ELMO1: variants seen among roughly 807,000 people sequenced by gnomAD.
ELMO1 encodes the protein engulfment and cell motility protein 1.
In ELMO1, 26 loss-of-function variants were observed where a neutral mutation model predicts 98.9. The observed-to-expected ratio is 0.26, with a 90% CI of 0.19 to 0.36. The LOEUF (loss-of-function observed/expected upper bound fraction) is 0.36. ELMO1 is among the 10% of genes least tolerant of loss of function. The pLI, the probability that ELMO1 is intolerant of heterozygous loss-of-function variation, is 1.00. For missense variants in ELMO1, 627 were observed against 935.2 expected (o/e 0.67, Z 4.30); for synonymous variants, 346 against 346.0 (o/e 1.00, Z 0.00).
intron 4 of ELMO1, among the ~76,000 whole-genome samples, chr7:37,282,228 C>T (rs1292485300): frequency 6.6e-6 from 1 of 152,202 alleles, no homozygotes; most frequent in East Asian, 1.9e-4. Context: ...GCTTCCGATC[C>T]TCTGCGTTCA....
At chr7:37,384,747 T>C (rs1802726094) in intron 1 of ELMO1, among the ~76,000 whole-genome samples, 1 of 152,022 alleles carries the variant, frequency 6.6e-6, no homozygotes, top group Non-Finnish European at 1.5e-5. Flanking sequence ...CTTTCCAGTT[T>C]GTTTATTTGT....
chr7:37,387,865 T>G (rs531323106), intron 1 of ELMO1, among the ~76,000 whole-genome samples: 1 of 152,188 alleles, frequency 6.6e-6, no homozygotes, highest in Non-Finnish European at 1.5e-5. Context: ...AGGCCCTTAC[T>G]CTGTTACCCA....
intron 16 of ELMO1, among the ~76,000 whole-genome samples, chr7:36,998,268 C>G (rs1792366776): frequency 6.6e-6 from 1 of 152,158 alleles, no homozygotes; most frequent in South Asian, 2.1e-4. Context: ...TAGAACAACT[C>G]AACGACTCCT....
intron 1 of ELMO1, among the ~76,000 whole-genome samples, chr7:37,402,496 G>A (rs1803579068): frequency 6.6e-6 from 1 of 152,094 alleles, no homozygotes. Flanking sequence ...CTAAGTGTTT[G>A]GGAACTTGAT....
intron 1 of ELMO1, among the ~76,000 whole-genome samples, chr7:37,352,726 C>G (rs998142448): frequency 1.3e-5 from 2 of 152,092 alleles, no homozygotes; most frequent in African/African-American, 2.4e-5. Context: ...GGAAAGTAGC[C>G]CAATTCTTTT....
intron 2 of ELMO1, among the ~76,000 whole-genome samples, chr7:37,328,383 CAAA>C (rs10669717): frequency 2.5e-4 from 16 of 64,850 alleles, no homozygotes; most frequent in African/African-American, 8.6e-4. Context: ...GACCCTGCCA[CAAA>C]AAAAAAAAAA....
chr7:37,125,539 C>T (rs1219873115), intron 14 of ELMO1, among the ~76,000 whole-genome samples: 1 of 152,156 alleles, frequency 6.6e-6, no homozygotes, highest in Non-Finnish European at 1.5e-5. Flanking sequence ...TGAAGAAATG[C>T]TCATCATCAC....
intron 13 of ELMO1, among the ~76,000 whole-genome samples, chr7:37,172,353 C>T (rs1162023484): frequency 6.6e-6 from 1 of 151,352 alleles, no homozygotes; most frequent in Non-Finnish European, 1.5e-5. Flanking sequence ...TCTTCTGAGG[C>T]ACTTAAGATA....
intron 4 of ELMO1, among the ~76,000 whole-genome samples, chr7:37,278,574 C>T (rs975774126): frequency 5.3e-5 from 8 of 152,138 alleles, no homozygotes; most frequent in Admixed American, 2.6e-4. Context: ...ACAAATTCTA[C>T]CTGTGGACAG....
chr7:37,203,424 C>A (rs1023286757), intron 13 of ELMO1, among the ~76,000 whole-genome samples: 2 of 152,166 alleles, frequency 1.3e-5, no homozygotes, highest in Non-Finnish European at 2.9e-5. Context: ...AGGAAGGATA[C>A]AATTTCTGAG....
chr7:37,365,009 A>G lies in ELMO1; in HGVS notation c.-73-22246T>C, dbSNP rs1173025524. Among the ~76,000 whole-genome samples, 3 of 152,208 alleles carry G rather than the reference A, an allele frequency of 2.0e-5. No individual in the cohort carries two copies. In the East Asian group the frequency reaches 5.8e-4, roughly 29 times the overall value. ...CGAGTGGGCTTTTTAGCTTTTATCA[A>G]ACAGAAAGCTCCTCACCCCCACACG... On this transcript the variant is annotated intron_variant, in intron 1 of 21. Transcript: ENST00000310758.
At chr7:37,271,473 C>T (rs1189594143) in intron 5 of ELMO1, 2 of 206,128 alleles carry the variant, frequency 9.7e-6, no homozygotes. Flanking sequence ...CCCTGGGCCA[C>T]AGGAAGAAGA....
intron 15 of ELMO1, among the ~76,000 whole-genome samples, chr7:37,076,708 C>T (rs929921103): frequency 6.6e-6 from 1 of 152,244 alleles, no homozygotes; most frequent in African/African-American, 2.4e-5. Context: ...TGGTGAGTAT[C>T]TAGCAGCAGC....
chr7:37,037,758 T>C (rs879310189), intron 15 of ELMO1, among the ~76,000 whole-genome samples: 1 of 152,192 alleles, frequency 6.6e-6, no homozygotes, highest in Admixed American at 6.5e-5. Context: ...TTGTGTTTTG[T>C]TTCATGACAT....
intron 5 of ELMO1, among the ~76,000 whole-genome samples, chr7:37,267,036 TATACAC>T (rs1394591163): frequency 0.024 from 659 of 26,918 alleles, 73 homozygotes; most frequent in African/African-American, 0.093. Context: ...AATATGTATA[TATACAC>T]ACACACACAC....
chr7:36,916,706 C>T (rs577034179), intron 16 of ELMO1, among the ~76,000 whole-genome samples: 98 of 152,334 alleles, frequency 6.4e-4, no homozygotes, highest in Non-Finnish European at 1.1e-3. Flanking sequence ...CCCTCTGGTT[C>T]CCCAGTTTCC....
At chr7:37,130,532 G>A (rs1003239102) in intron 14 of ELMO1, among the ~76,000 whole-genome samples, 1 of 152,188 alleles carries the variant, frequency 6.6e-6, no homozygotes, top group Non-Finnish European at 1.5e-5. Context: ...CAAGGGCAAG[G>A]CCAACGAGAC....
At chr7:37,084,360 T>G (rs1783647435) in intron 15 of ELMO1, among the ~76,000 whole-genome samples, 1 of 152,238 alleles carries the variant, frequency 6.6e-6, no homozygotes. Context: ...ACTCTATTCA[T>G]GCAACAAACG....
intron 7 of ELMO1, among the ~76,000 whole-genome samples, chr7:37,236,303 T>C (rs1485617702): frequency 6.6e-6 from 1 of 152,040 alleles, no homozygotes; most frequent in African/African-American, 2.4e-5. Flanking sequence ...TGTTTGGGAG[T>C]CAAGATTTCA....
Sources: allele counts gnomAD v4.1 joint callset (sites outside exome capture counted in the v4.1 genomes callset), GRCh38; gene constraint gnomAD v4.1.1; transcripts MANE v1.5; gene names NCBI Gene and HGNC (gene_info 2026-07-23, HGNC 2026-07-21).